QRICH1: variants seen among roughly 807,000 people sequenced by gnomAD.
The protein encoded by QRICH1 is glutamine rich 1.
QRICH1 carries 16 observed loss-of-function variants against 87.1 expected under a neutral mutation model. The observed-to-expected ratio is 0.18, with a 90% CI of 0.12 to 0.28. QRICH1 has a LOEUF of 0.28. Among genes scored for constraint, QRICH1 ranks in the 10% least tolerant of loss-of-function variants. The probability of loss-of-function intolerance (pLI) is 1.00; values close to 1 mark genes in which losing one functional copy is unlikely to be tolerated. For missense variants in QRICH1, 647 were observed against 951.7 expected (o/e 0.68, Z 4.21); for synonymous variants, 367 against 368.4 (o/e 1.00, Z 0.05).
intron 3 of QRICH1, among the ~76,000 whole-genome samples, chr3:49,054,293 T>C (rs977334036): frequency 6.6e-6 from 1 of 152,162 alleles, no homozygotes; most frequent in Non-Finnish European, 1.5e-5. Context: ...ATGGGCTCCA[T>C]CTCTGTGAAC....
chr3:49,056,834 C>T, intron 3 of QRICH1, 28 bp downstream of exon 3: 2 of 1,614,094 alleles, frequency 1.2e-6, no homozygotes, highest in African/African-American at 1.3e-5. Context: ...GACCAGGCTG[C>T]CTGCCCTACT....
At chr3:49,066,841 C>A (rs1485721149) in intron 2 of QRICH1, among the ~76,000 whole-genome samples, 4 of 151,996 alleles carry the variant, frequency 2.6e-5, no homozygotes, top group African/African-American at 7.2e-5. Flanking sequence ...AGTTCGAGAC[C>A]AGCCTGGCCA....
intron 3 of QRICH1, among the ~76,000 whole-genome samples, chr3:49,050,477 A>G (rs1406913777): frequency 6.6e-6 from 1 of 151,640 alleles, no homozygotes; most frequent in Non-Finnish European, 1.5e-5. Context: ...AGGTGCTATA[A>G]AATGGCAAAA....
intron 2 of QRICH1, among the ~76,000 whole-genome samples, chr3:49,076,276 C>G (rs1388128178): frequency 6.6e-6 from 1 of 152,208 alleles, no homozygotes; most frequent in African/African-American, 2.4e-5. Context: ...AAGCCAGTCC[C>G]CCACCATCAC....
At chr3:49,070,775 A>C (rs2093495865) in intron 2 of QRICH1, among the ~76,000 whole-genome samples, 1 of 152,086 alleles carries the variant, frequency 6.6e-6, no homozygotes, top group Non-Finnish European at 1.5e-5. Context: ...CTTTTTAGTC[A>C]CTTAGGGAAA....
At chr3:49,042,210 G>A (rs1446596037) in intron 6 of QRICH1, among the ~76,000 whole-genome samples, 1 of 151,480 alleles carries the variant, frequency 6.6e-6, no homozygotes, top group Non-Finnish European at 1.5e-5. Flanking sequence ...CCATTCTCCT[G>A]CCTCAGCCTC....
In QRICH1 at chr3:49,078,760, C is replaced by T. The variant is rs1430447688; in HGVS notation, c.-21-1722G>A. Among the ~76,000 whole-genome samples the T allele has an allele frequency of 5.2e-5, 7 of 133,886 alleles. No homozygotes were observed. In the East Asian group the frequency reaches 7.1e-4, roughly 13 times the overall value. The allele number at this position is 133,886 out of a possible 152,430, so 87.8% of individuals were successfully genotyped here. A position where few individuals can be genotyped will look rare whatever the true frequency, so the allele number is the denominator to read the frequency against. ...TCGCCCAGGCTGGAGTGCAGTGGCA[C>T]GATCTCGGCTCACTGCAGCCTCCCA... On this transcript the variant is annotated intron_variant, in intron 1 of 9. Transcript: ENST00000395443.
intron 1 of QRICH1, among the ~76,000 whole-genome samples, chr3:49,087,357 G>C (rs370929982): frequency 1.3e-5 from 2 of 152,124 alleles, no homozygotes; most frequent in Admixed American, 6.6e-5. Flanking sequence ...TTTGAGACCA[G>C]CCTAGCTAAT....
At chr3:49,078,768 G>A (rs1311355242) in intron 1 of QRICH1, among the ~76,000 whole-genome samples, 6 of 139,586 alleles carry the variant, frequency 4.3e-5, no homozygotes, top group African/African-American at 8.1e-5. Context: ...CACGATCTCG[G>A]CTCACTGCAG....
upstream of QRICH1, chr3:49,094,080 A>G (rs962549301): frequency 2.5e-6 from 1 of 398,610 alleles, no homozygotes; most frequent in Admixed American, 4.4e-5. Flanking sequence ...ATAGGAGCCG[A>G]TTGCTCCTCT....
intron 6 of QRICH1, among the ~76,000 whole-genome samples, chr3:49,036,316 C>A (rs2093275109): frequency 6.6e-6 from 1 of 152,186 alleles, no homozygotes; most frequent in African/African-American, 2.4e-5. Context: ...ATAAGCACCC[C>A]TGGCATACAG....
intron 1 of QRICH1, among the ~76,000 whole-genome samples, chr3:49,084,694 G>A (rs976876810): frequency 1.3e-5 from 2 of 151,926 alleles, no homozygotes; most frequent in African/African-American, 4.8e-5. Context: ...AATCCGGGAG[G>A]CGGAGGTTGT....
intron 2 of QRICH1, among the ~76,000 whole-genome samples, chr3:49,072,192 G>A (rs139860867): frequency 0.025 from 3,809 of 152,118 alleles, 83 homozygotes; most frequent in Middle Eastern, 0.037. Context: ...TTAGTCGGGC[G>A]TGCTAGCTTG....
Position 49,057,816 on chromosome 3 carries a change from A to G in QRICH1, c.384T>C (p.Pro128=), listed in dbSNP as rs1407171618. The change falls in exon 3 of 10, where the codon CCT becomes CCC. Residue 128 remains proline, a synonymous_variant. Coordinates refer to ENST00000395443, the MANE Select transcript of QRICH1 (RefSeq NM_198880.3). The surrounding 1 kb of genome is among the most constrained non-coding windows in gnomAD (Gnocchi z 5.4). ...QLSPQLTVHQ[P]TEQPIQVQVQ... ...CCTGGACCTGGATGGGTTGCTCAGT[A>G]GGCTGGTGAACGGTGAGTTGTGGGG... 1.5e-5 allele frequency: 25 copies of G among 1,614,098 alleles called. No homozygotes were observed. Among genetic ancestry groups the G allele is most frequent in the Non-Finnish European group, 1.9e-5 (23 of 1,180,018 alleles).
At chr3:49,054,432 G>GGA (rs2093389045) in intron 3 of QRICH1, among the ~76,000 whole-genome samples, 1 of 152,062 alleles carries the variant, frequency 6.6e-6, no homozygotes, top group Admixed American at 6.6e-5. Context: ...TCCTACCACA[G>GGA]ATTAGATCAA....
chr3:49,051,591 C>CA (rs1338245981), intron 3 of QRICH1, among the ~76,000 whole-genome samples: 11 of 137,300 alleles, frequency 8.0e-5, no homozygotes, highest in African/African-American at 3.0e-4. Context: ...TGCGCCCCCC[C>CA]CCCCCTCCGC....
At chr3:49,038,102 C>T (rs544268828) in intron 6 of QRICH1, among the ~76,000 whole-genome samples, 1 of 151,554 alleles carries the variant, frequency 6.6e-6, no homozygotes, top group African/African-American at 2.4e-5. Flanking sequence ...CGGTCTGTTG[C>T]CCAGGCTAGA....
Position 49,046,983 on chromosome 3 carries a change from ACAC to A in QRICH1, c.1516+83_1516+85del, listed in dbSNP as rs1161360374. 6.2e-6 allele frequency: 9 copies of A among 1,455,760 alleles called. No individual in the cohort carries two copies. In the East Asian group the frequency reaches 1.8e-4, roughly 30 times the overall value. 90.2% of individuals were successfully genotyped at this position (1,455,760 alleles called of 1,614,324 possible). Reference sequence around the variant, plus strand: ...TGCTCTCTTGTCCCCAAGACAGGAGACACCACTTTTCTGGCATTTTGTCCTCCT... The same window carrying A: ...TGCTCTCTTGTCCCCAAGACAGGAGACACTTTTCTGGCATTTTGTCCTCCT... On this transcript the variant is annotated intron_variant, in intron 4 of 9. Transcript: ENST00000395443.
intron 2 of QRICH1, among the ~76,000 whole-genome samples, chr3:49,062,856 C>G (rs1025815753): frequency 6.6e-6 from 1 of 151,784 alleles, no homozygotes; most frequent in African/African-American, 2.4e-5. Flanking sequence ...AATAATTAGC[C>G]AGGCGTGGTG....
Sources: allele counts gnomAD v4.1 joint callset (sites outside exome capture counted in the v4.1 genomes callset), GRCh38; gene constraint gnomAD v4.1.1; non-coding constraint Gnocchi (gnomAD v3.1); transcripts MANE v1.5; gene names NCBI Gene and HGNC (gene_info 2026-07-23, HGNC 2026-07-21).